KRT222: variants seen among roughly 807,000 people sequenced by gnomAD.
The protein encoded by KRT222 is keratin 222, also known as keratin-like protein KRT222.
A neutral mutation model predicts 35.0 loss-of-function variants in KRT222; 23 were observed. The observed-to-expected ratio is 0.66, with a 90% confidence interval of 0.47 to 0.93. The LOEUF is 0.93. KRT222 is among the 40% of genes least tolerant of loss of function. The probability of loss-of-function intolerance (pLI) is 0.00; values close to 1 mark genes in which losing one functional copy is unlikely to be tolerated. For synonymous variants in KRT222, 108 were observed against 118.8 expected (o/e 0.91, Z 0.59); for missense variants, 339 against 346.3 (o/e 0.98, Z 0.17).
intron 5 of KRT222, 47 bp downstream of exon 5, chr17:40,657,305 T>G: frequency 7.6e-7 from 1 of 1,313,310 alleles, no homozygotes. Flanking sequence ...AGTTAATTTC[T>G]TTACATATAT....
At position 40,656,517 on chromosome 17, in the gene KRT222, G is replaced by A. The variant is rs771123969; in HGVS notation, c.773C>T (p.Thr258Ile). Residue 258 changes from threonine to isoleucine, a missense_variant, in exon 6 of 6, where the codon ACT becomes ATT. Thr to Ile is a moderately conservative substitution (Grantham distance 89). Coordinates refer to ENST00000394052, the MANE Select transcript of KRT222 (RefSeq NM_152349.3). ...CTTAGTCTCTAAACACCCTTCATCA[G>A]TGGCTGCTAAATGAAGATCAAATCG... is the stretch of plus-strand genomic sequence containing the variant. Reference protein sequence around the residue: ...SLRFDLHLAATDEGCLETKQD... With the variant: ...SLRFDLHLAAIDEGCLETKQD... 9 of 1,613,154 alleles carry A rather than the reference G, an allele frequency of 5.6e-6. No individual in the cohort carries two copies. In the East Asian group the frequency reaches 1.8e-4, roughly 32 times the overall value.
intron 2 of KRT222, 75 bp from the exon 3 acceptor site, chr17:40,660,282 ATCTT>A: frequency 8.3e-7 from 1 of 1,209,870 alleles, no homozygotes; most frequent in Non-Finnish European, 1.2e-6. Flanking sequence ...CAATATCTTC[ATCTT>A]TTTTTTTTTT....
At chr17:40,664,519 A>G (rs2037407989) in intron 1 of KRT222, among the ~76,000 whole-genome samples, 1 of 152,228 alleles carries the variant, frequency 6.6e-6, no homozygotes, top group South Asian at 2.1e-4. Flanking sequence ...TATTTATAAC[A>G]ATCTGGTATA....
intron 1 of KRT222, 108 bp downstream of exon 1, chr17:40,664,896 G>A: frequency 6.4e-7 from 1 of 1,561,680 alleles, no homozygotes; most frequent in Non-Finnish European, 8.6e-7. Flanking sequence ...CCCAATAGAT[G>A]CTGCATCGAA....
At chr17:40,657,988 T>C (rs535784489) in intron 3 of KRT222, among the ~76,000 whole-genome samples, 2 of 152,212 alleles carry the variant, frequency 1.3e-5, no homozygotes, top group South Asian at 4.1e-4. Context: ...TTTCATACTT[T>C]GTAGGAATAC....
intron 3 of KRT222, among the ~76,000 whole-genome samples, 189 bp downstream of exon 3, chr17:40,659,798 C>T (rs1033204047): frequency 6.6e-6 from 1 of 152,090 alleles, no homozygotes; most frequent in Non-Finnish European, 1.5e-5. Context: ...CTGTTTGGTT[C>T]CTAATTTTGG....
At position 40,656,487 on chromosome 17, in the gene KRT222, TC is replaced by T. The variant is rs1160628619; in HGVS notation, c.802del (p.Asp268IlefsTer6). ...CCTGACTTCTATATCTGGTAGATTA[TC>T]CTGCTTAGTCTCTAAACACCCTTCA... ...TDEGCLETKQ[D>X]NLPDIEVRLI... On this transcript the variant is annotated frameshift_variant, in exon 6 of 6. Coordinates refer to ENST00000394052, the MANE Select transcript of KRT222 (RefSeq NM_152349.3). LOFTEE classifies it high-confidence loss of function. The T allele has an allele frequency of 6.2e-7, 1 of 1,613,948 alleles. No individual in the cohort carries two copies. The highest frequency in any genetic ancestry group is 8.5e-7 in the Non-Finnish European group (1 of 1,179,890).
chr17:40,657,134 C>T, intron 5 of KRT222: 2 of 269,586 alleles, frequency 7.4e-6, no homozygotes, highest in Non-Finnish European at 1.4e-5. Context: ...ATTGCTTGAA[C>T]CCGGGAGGTG....
intron 5 of KRT222, chr17:40,657,066 G>C (rs888856944): frequency 5.3e-5 from 11 of 206,228 alleles, no homozygotes; most frequent in Non-Finnish European, 1.1e-4. Flanking sequence ...GAAAAACCCA[G>C]CTGAGTGTGG....
At chr17:40,662,226 T>G (rs2037388576) in intron 1 of KRT222, 182 bp from the exon 2 acceptor site, 2 of 591,528 alleles carry the variant, frequency 3.4e-6, no homozygotes, top group Non-Finnish European at 2.8e-6. Context: ...GTCCATTGCG[T>G]TCTTAGCCCG....
Position 40,656,516 on chromosome 17 carries a change from A to G in KRT222, c.774T>C (p.Thr258=), listed in dbSNP as rs747127687. ...GCTTAGTCTCTAAACACCCTTCATC[A>G]GTGGCTGCTAAATGAAGATCAAATC... ...SLRFDLHLAA[T]DEGCLETKQD... Residue 258 remains threonine, a synonymous_variant, in exon 6 of 6, where the codon ACT becomes ACC. Coordinates refer to ENST00000394052, the MANE Select transcript of KRT222 (RefSeq NM_152349.3). 2 of 1,613,174 alleles carry G rather than the reference A, an allele frequency of 1.2e-6. No individual in the cohort carries two copies. The highest frequency in any genetic ancestry group is 1.7e-4 in the Middle Eastern group (1 of 6,054).
rs2037336783 is a variant in KRT222, at chr17:40,655,226, G to A, written c.*1176C>T. On this transcript the variant is annotated 3_prime_UTR_variant, in exon 6 of 6. Transcript: ENST00000394052. ...TGAGTTGTACTCAGCTACTTTTTCT[G>A]CTTAGAAAAGAATTAAGAACTTATA... 6.6e-6 allele frequency: 1 copy of A among 151,406 alleles called. No individual in the cohort carries two copies. Among genetic ancestry groups the A allele is most frequent in the Non-Finnish European group, 1.5e-5 (1 of 67,758 alleles). The allele number at this position is 151,406 out of a possible 1,614,324, so 9.4% of individuals were successfully genotyped here. A position where few individuals can be genotyped will look rare whatever the true frequency, so the allele number is the denominator to read the frequency against.
Position 40,657,618 on chromosome 17 carries a change from A to G in KRT222, c.523+56T>C, listed in dbSNP as rs780001797. The G allele has an allele frequency of 9.9e-6, 15 of 1,512,716 alleles. No individual in the cohort carries two copies. In the East Asian group the frequency reaches 3.2e-4, roughly 32 times the overall value. 93.7% of individuals were successfully genotyped at this position (1,512,716 alleles called of 1,614,324 possible). ...AAGTATTTAATTTCCTTATAAAGTAATCCCTGTAAATAGTACATCACTTTT... is the reference window on the plus strand; with the variant it reads ...AAGTATTTAATTTCCTTATAAAGTAGTCCCTGTAAATAGTACATCACTTTT... On this transcript the variant is annotated intron_variant, in intron 4 of 5. Coordinates refer to ENST00000394052, the MANE Select transcript of KRT222 (RefSeq NM_152349.3).
At chr17:40,661,771 TA>T in intron 2 of KRT222, 144 bp downstream of exon 2, 1 of 981,074 alleles carries the variant, frequency 1.0e-6, no homozygotes, top group Non-Finnish European at 1.5e-6. Flanking sequence ...GAGGGGTGAG[TA>T]ATTAAACTAG....
intron 2 of KRT222, 73 bp from the exon 3 acceptor site, chr17:40,660,280 T>A (rs913624925): frequency 2.4e-6 from 3 of 1,225,816 alleles, no homozygotes; most frequent in African/African-American, 3.1e-5. Flanking sequence ...TGCAATATCT[T>A]CATCTTTTTT....
Position 40,656,342 on chromosome 17 carries a change from G to T in KRT222, c.*60C>A. The T allele has an allele frequency of 1.7e-6, 2 of 1,200,294 alleles. No homozygotes were observed. The highest frequency in any genetic ancestry group is 2.5e-6 in the Non-Finnish European group (2 of 808,600). The allele number at this position is 1,200,294 out of a possible 1,614,324, so 74.4% of individuals were successfully genotyped here. ...CTTACATTTTGGGACAGAGGGAGTT[G>T]GTATGGCCCACCTTGGTCCATCCTA... is the stretch of plus-strand genomic sequence containing the variant. On this transcript the variant is annotated 3_prime_UTR_variant, in exon 6 of 6. Coordinates refer to ENST00000394052, the MANE Select transcript of KRT222 (RefSeq NM_152349.3).
Position 40,661,897 on chromosome 17 carries a change from C to T in KRT222, c.225+19G>A. 6.2e-7 allele frequency: 1 copy of T among 1,611,268 alleles called. No individual in the cohort carries two copies. The highest frequency in any genetic ancestry group is 8.5e-7 in the Non-Finnish European group (1 of 1,179,026). On this transcript the variant is annotated intron_variant, in intron 2 of 5. Transcript: ENST00000394052. The stretch of plus-strand genomic sequence containing the variant: ...ATCTGAGGACTCGATGGGTCGGTTA[C>T]TTTTGGGATCATTCTCACCACAGCA...
rs753452538 is a variant in KRT222, at chr17:40,660,132, TCA to T, written c.299_300del (p.Val100AspfsTer2). On this transcript the variant is annotated frameshift_variant, in exon 3 of 6. Coordinates refer to ENST00000394052, the MANE Select transcript of KRT222 (RefSeq NM_152349.3). LOFTEE classifies it high-confidence loss of function. ...YQMQLQDLET[V>X]IEGLEKELQE... ...TGTAGCTCTTTTTCTAGTCCTTCAA[TCA>T]CAGTCTCTAGGTCTTGCAGCTGCAT... The T allele has an allele frequency of 2.2e-4, 354 of 1,614,054 alleles. No homozygotes were observed. The highest frequency in any genetic ancestry group is 2.8e-4 in the Non-Finnish European group (334 of 1,180,030).
chr17:40,664,867 G>A (rs752924669), intron 1 of KRT222, 137 bp downstream of exon 1: 79 of 1,453,300 alleles, frequency 5.4e-5, no homozygotes, highest in Non-Finnish European at 7.3e-5. Flanking sequence ...TCACACTGCA[G>A]TAGAAGCTAA....
Sources: gnomAD v4.1 joint callset for allele counts (sites outside exome capture counted in the v4.1 genomes callset) on GRCh38, gnomAD v4.1.1 for gene constraint, MANE v1.5 for transcripts, NCBI Gene and HGNC (gene_info 2026-07-23, HGNC 2026-07-21) for gene names.